The following CIRSR variants were observed in gnomAD, a reference collection of about 807,000 sequenced individuals.
CIRSR encodes CBF1 (RBPJ) interacting corepressor 1.
At chr2:174,348,917 G>C in the CIRSR span, 15,627 of 1,613,942 alleles carry the variant, frequency 9.7e-3, 1,206 homozygotes, top group African/African-American at 0.18. Flanking sequence ...TCTTAGACTT[G>C]TCCTTCTCTT....
At chr2:174,378,213 T>C in the CIRSR span, among the ~76,000 whole-genome samples, 6 of 152,306 alleles carry the variant, frequency 3.9e-5, no homozygotes, top group East Asian at 9.6e-4. Flanking sequence ...ATCTCTGAGT[T>C]ATACTATCAC....
At chr2:174,369,541 C>T in the CIRSR span, among the ~76,000 whole-genome samples, 4 of 152,292 alleles carry the variant, frequency 2.6e-5, no homozygotes, top group South Asian at 6.2e-4. Flanking sequence ...ACCTTTCTAC[C>T]TATCTCGGCT....
the CIRSR span, among the ~76,000 whole-genome samples, chr2:174,360,029 G>C: frequency 6.6e-6 from 1 of 152,188 alleles, no homozygotes; most frequent in Admixed American, 6.5e-5. Context: ...TCGGACACAG[G>C]AAAGGGGACA....
the CIRSR span, chr2:174,370,125 G>A: frequency 1.6e-6 from 2 of 1,271,216 alleles, no homozygotes; most frequent in South Asian, 2.5e-5. Context: ...TCAACGGCGG[G>A]CATAATGGGT....
At chr2:174,357,461 T>C in the CIRSR span, among the ~76,000 whole-genome samples, 3 of 152,230 alleles carry the variant, frequency 2.0e-5, no homozygotes, top group African/African-American at 7.2e-5. Flanking sequence ...GTAATCACTT[T>C]CCCATGTATT....
At chr2:174,361,369 T>C in the CIRSR span, among the ~76,000 whole-genome samples, 3 of 152,218 alleles carry the variant, frequency 2.0e-5, no homozygotes, top group South Asian at 2.1e-4. Context: ...TCAGGTAGGA[T>C]TGCCAGAAGG....
At chr2:174,363,075 T>TA in the CIRSR span, among the ~76,000 whole-genome samples, 2 of 152,132 alleles carry the variant, frequency 1.3e-5, no homozygotes, top group African/African-American at 4.8e-5. Flanking sequence ...TTGTTTTCCT[T>TA]AACAAATGCT....
At chr2:174,362,936 C>G in the CIRSR span, among the ~76,000 whole-genome samples, 3 of 152,002 alleles carry the variant, frequency 2.0e-5, no homozygotes, top group Non-Finnish European at 4.4e-5. Flanking sequence ...GTAGAGCCCC[C>G]TTTCATGAGT....
the CIRSR span, chr2:174,348,475 GTCTT>G: frequency 1.3e-6 from 2 of 1,578,102 alleles, no homozygotes; most frequent in East Asian, 4.5e-5. Context: ...GTCACATACA[GTCTT>G]TCTTCTCTAC....
the CIRSR span, among the ~76,000 whole-genome samples, chr2:174,357,086 G>A: frequency 1.3e-5 from 2 of 152,090 alleles, no homozygotes; most frequent in Admixed American, 6.6e-5. Context: ...ATACAAACAA[G>A]GTCCACATAT....
At chr2:174,360,107 G>A in the CIRSR span, among the ~76,000 whole-genome samples, 1 of 152,216 alleles carries the variant, frequency 6.6e-6, no homozygotes, top group African/African-American at 2.4e-5. Context: ...AATACCTAAT[G>A]TAAATGACGA....
the CIRSR span, among the ~76,000 whole-genome samples, chr2:174,389,453 G>C: frequency 6.6e-6 from 1 of 152,166 alleles, no homozygotes; most frequent in Non-Finnish European, 1.5e-5. Flanking sequence ...CTTTGAACTT[G>C]AGAGAGATGA....
chr2:174,387,665 G>A, the CIRSR span: 42 of 1,567,088 alleles, frequency 2.7e-5, 1 homozygote, highest in South Asian at 4.3e-4. Context: ...TAGATATACT[G>A]GCATAACAGA....
chr2:174,384,154 T>C, the CIRSR span, among the ~76,000 whole-genome samples: 1 of 152,270 alleles, frequency 6.6e-6, no homozygotes, highest in Non-Finnish European at 1.5e-5. Flanking sequence ...ATAAACAAAA[T>C]GTGGTATGTA....
chr2:174,350,462 C>A, the CIRSR span, among the ~76,000 whole-genome samples: 1 of 152,088 alleles, frequency 6.6e-6, no homozygotes, highest in Non-Finnish European at 1.5e-5. Flanking sequence ...GTGGTACAAT[C>A]TGAGTATACA....
the CIRSR span, among the ~76,000 whole-genome samples, chr2:174,385,736 A>G: frequency 2.2e-4 from 34 of 152,198 alleles, no homozygotes; most frequent in Non-Finnish European, 3.8e-4. Context: ...AATAAGTAAC[A>G]ATAGTATTAT....
the CIRSR span, among the ~76,000 whole-genome samples, chr2:174,357,472 T>C: frequency 1.3e-5 from 2 of 152,212 alleles, no homozygotes; most frequent in African/African-American, 4.8e-5. Flanking sequence ...CCCATGTATT[T>C]ATTGCAGTCA....
the CIRSR span, among the ~76,000 whole-genome samples, chr2:174,353,787 T>A: frequency 6.6e-6 from 1 of 152,208 alleles, no homozygotes; most frequent in Non-Finnish European, 1.5e-5. Flanking sequence ...TTTAAATGAA[T>A]AATAGAATGT....
At chr2:174,357,128 A>C in the CIRSR span, among the ~76,000 whole-genome samples, 21 of 152,294 alleles carry the variant, frequency 1.4e-4, no homozygotes, top group African/African-American at 4.8e-4. Context: ...TTTTAATCTA[A>C]AACATTTACC....
Sources: gnomAD v4.1 joint callset for allele counts (sites outside exome capture counted in the v4.1 genomes callset) on GRCh38, gnomAD v4.1.1 for gene constraint, MANE v1.5 for transcripts, NCBI Gene and HGNC (gene_info 2026-07-23, HGNC 2026-07-21) for gene names.